The following ATF1 variants were observed in gnomAD, a reference collection of about 807,000 sequenced individuals.
ATF1 encodes the protein activating transcription factor 1.
ATF1 carries 16 observed loss-of-function variants against 34.7 expected under a neutral mutation model. The ratio of observed to expected loss-of-function variants is 0.46; its 90% CI spans 0.31 to 0.70. The LOEUF (loss-of-function observed/expected upper bound fraction) is 0.70. ATF1 is among the 30% of genes least tolerant of loss of function. The probability of loss-of-function intolerance (pLI) is 0.05; values close to 1 mark genes in which losing one functional copy is unlikely to be tolerated. For synonymous variants in ATF1, 105 were observed against 113.1 expected (o/e 0.93, Z 0.46); for missense variants, 255 against 321.6 (o/e 0.79, Z 1.58).
chr12:50,814,983 G>T (rs971060643), intron 6 of ATF1, among the ~76,000 whole-genome samples: 1 of 151,948 alleles, frequency 6.6e-6, no homozygotes, highest in Non-Finnish European at 1.5e-5. Context: ...TTAGCTGGGC[G>T]TGGTGGCGGG....
chr12:50,780,054 A>G (rs1336409267), intron 1 of ATF1, 86 bp from the exon 2 acceptor site: 1 of 970,918 alleles, frequency 1.0e-6, no homozygotes, highest in Non-Finnish European at 1.5e-6. Flanking sequence ...GAGGCAACTA[A>G]ATGATCAATT....
chr12:50,769,946 G>A (rs577488092), intron 1 of ATF1, among the ~76,000 whole-genome samples: 26 of 152,326 alleles, frequency 1.7e-4, no homozygotes, highest in African/African-American at 6.3e-4. Context: ...AATGAAACAT[G>A]AGTTAATTGA....
At chr12:50,773,466 T>TTTC (rs1156858215) in intron 1 of ATF1, among the ~76,000 whole-genome samples, 139 of 149,568 alleles carry the variant, frequency 9.3e-4, no homozygotes, top group African/African-American at 3.2e-3. Flanking sequence ...TTTTTTTTTT[T>TTTC]CGAGACAAAG....
intron 2 of ATF1, among the ~76,000 whole-genome samples, chr12:50,794,957 AAAC>A (rs1188222440): frequency 1.8e-4 from 27 of 152,288 alleles, no homozygotes; most frequent in Admixed American, 5.9e-4. Flanking sequence ...AAAAAATTGA[AAAC>A]AACTTGTTTT....
intron 3 of ATF1, 51 bp downstream of exon 3, chr12:50,796,060 G>A: frequency 7.0e-7 from 1 of 1,426,156 alleles, no homozygotes; most frequent in Non-Finnish European, 9.7e-7. Flanking sequence ...TACCAAATGA[G>A]TTCAAGAGGT....
intron 3 of ATF1, chr12:50,806,381 T>A: frequency 2.0e-6 from 1 of 507,396 alleles, no homozygotes; most frequent in Non-Finnish European, 4.0e-6. Context: ...CAAAATGCCA[T>A]AAGGATGACA....
intron 4 of ATF1, among the ~76,000 whole-genome samples, chr12:50,810,005 T>C (rs1941701682): frequency 1.3e-5 from 2 of 151,494 alleles, no homozygotes; most frequent in Admixed American, 1.3e-4. Flanking sequence ...GGCTAATTTT[T>C]GTATTTTTAG....
intron 1 of ATF1, among the ~76,000 whole-genome samples, chr12:50,768,675 T>G (rs1386229006): frequency 6.6e-6 from 1 of 150,562 alleles, no homozygotes; most frequent in Non-Finnish European, 1.5e-5. Flanking sequence ...TAAACAAAAA[T>G]AAACATTTAA....
intron 1 of ATF1, among the ~76,000 whole-genome samples, chr12:50,779,097 T>A (rs530050260): frequency 1.3e-5 from 2 of 152,372 alleles, no homozygotes; most frequent in South Asian, 4.1e-4. Flanking sequence ...GACAGGAGTT[T>A]CTTCCTAAGG....
At chr12:50,771,963 G>A (rs1940782404) in intron 1 of ATF1, among the ~76,000 whole-genome samples, 1 of 152,166 alleles carries the variant, frequency 6.6e-6, no homozygotes, top group Non-Finnish European at 1.5e-5. Context: ...GCATATCATC[G>A]ACAAATAACC....
intron 1 of ATF1, among the ~76,000 whole-genome samples, chr12:50,778,527 T>A (rs1382860629): frequency 6.6e-6 from 1 of 152,006 alleles, no homozygotes. Context: ...CTGGCCATAT[T>A]AACCATTTTT....
At chr12:50,786,451 G>A (rs1941187225) in intron 2 of ATF1, among the ~76,000 whole-genome samples, 1 of 152,156 alleles carries the variant, frequency 6.6e-6, no homozygotes, top group Non-Finnish European at 1.5e-5. Context: ...CACAAAGACA[G>A]TTCATACCCT....
At chr12:50,800,558 C>T (rs1164715068) in intron 3 of ATF1, among the ~76,000 whole-genome samples, 1 of 152,124 alleles carries the variant, frequency 6.6e-6, no homozygotes, top group Non-Finnish European at 1.5e-5. Context: ...AGCGGGTGAG[C>T]GAGCCTTAGC....
intron 2 of ATF1, among the ~76,000 whole-genome samples, chr12:50,793,885 A>AGCCTTCCC (rs1197563270): frequency 6.6e-6 from 1 of 152,106 alleles, no homozygotes; most frequent in Non-Finnish European, 1.5e-5. Flanking sequence ...ATAGATAGTA[A>AGCCTTCCC]CTAATGTGGA....
intron 1 of ATF1, among the ~76,000 whole-genome samples, chr12:50,769,430 G>T (rs1024971241): frequency 1.3e-5 from 2 of 152,058 alleles, no homozygotes; most frequent in Non-Finnish European, 2.9e-5. Context: ...CTTGAACCTG[G>T]GAGGGGGAGG....
At chr12:50,787,169 C>CT (rs1941202913) in intron 2 of ATF1, among the ~76,000 whole-genome samples, 2 of 152,298 alleles carry the variant, frequency 1.3e-5, no homozygotes, top group Middle Eastern at 3.4e-3. Flanking sequence ...TTACTTTAGT[C>CT]TCTAGTGTCT....
At chr12:50,771,004 T>C (rs1002413438) in intron 1 of ATF1, among the ~76,000 whole-genome samples, 1 of 152,166 alleles carries the variant, frequency 6.6e-6, no homozygotes, top group African/African-American at 2.4e-5. Context: ...TTACTCTTTT[T>C]TTTTTCTTTC....
At chr12:50,816,730 A>C (rs929584471) in intron 6 of ATF1, among the ~76,000 whole-genome samples, 11 of 152,064 alleles carry the variant, frequency 7.2e-5, no homozygotes, top group African/African-American at 2.4e-4. Flanking sequence ...CCATCTCTAA[A>C]AAAAATTTAA....
chr12:50,807,563 T>C (rs1431574432), intron 3 of ATF1, among the ~76,000 whole-genome samples: 1 of 152,142 alleles, frequency 6.6e-6, no homozygotes, highest in African/African-American at 2.4e-5. Context: ...TTTTCAGGAA[T>C]GTTAGAGAAT....
Sources: gnomAD v4.1 joint callset for allele counts (sites outside exome capture counted in the v4.1 genomes callset) on GRCh38, gnomAD v4.1.1 for gene constraint, MANE v1.5 for transcripts, NCBI Gene and HGNC (gene_info 2026-07-23, HGNC 2026-07-21) for gene names.